CDKAL1: variants seen among roughly 807,000 people sequenced by gnomAD.
CDKAL1 encodes the protein CDKAL1 threonylcarbamoyladenosine tRNA methylthiotransferase, also known as threonylcarbamoyladenosine tRNA methylthiotransferase.
Under a neutral mutation model 68.2 loss-of-function variants are expected in CDKAL1, and 32 were observed. That is an observed-to-expected ratio of 0.47 (90% CI 0.35 to 0.63). CDKAL1 has a LOEUF of 0.63. CDKAL1 is among the 30% of genes least tolerant of loss of function. The pLI, the probability that CDKAL1 is intolerant of heterozygous loss-of-function variation, is 0.00. For missense variants in CDKAL1, 606 were observed against 696.7 expected, an observed-to-expected ratio of 0.87 and a Z score of 1.47; for synonymous variants, 234 against 244.3, an observed-to-expected ratio of 0.96 and a Z score of 0.39.
intron 12 of CDKAL1, among the ~76,000 whole-genome samples, chr6:21,072,094 T>C (rs1029024761): frequency 2.6e-5 from 4 of 152,214 alleles, no homozygotes; most frequent in Non-Finnish European, 5.9e-5. Context: ...CCAGCTGAAA[T>C]TCTATGGTGA....
chr6:20,822,453 G>A (rs537514863), intron 8 of CDKAL1, among the ~76,000 whole-genome samples: 1 of 152,094 alleles, frequency 6.6e-6, no homozygotes, highest in African/African-American at 2.4e-5. Flanking sequence ...CACAACATAA[G>A]TCCAGACCTC....
chr6:20,944,379 C>T (rs1386337755), intron 9 of CDKAL1, among the ~76,000 whole-genome samples: 1 of 151,684 alleles, frequency 6.6e-6, no homozygotes, highest in Non-Finnish European at 1.5e-5. Context: ...GACGGAGTCT[C>T]ACTCTGTCGC....
Position 21,102,484 on chromosome 6 carries a change from T to A in CDKAL1, c.1237-5917T>A, listed in dbSNP as rs571678290. On this transcript the variant is annotated intron_variant, in intron 12 of 15. Transcript: ENST00000274695. ...TTCCTATCCCTGACTTCAGTGTCCC[T>A]TATTGCATCTTAGTAAGCCCTTGTT... is the stretch of plus-strand genomic sequence containing the variant. 1.5e-3 allele frequency among the ~76,000 whole-genome samples: 226 copies of A among 152,332 alleles called. No individual in the cohort carries two copies. In the Middle Eastern group the frequency reaches 0.024, roughly 16 times the overall value.
intron 15 of CDKAL1, among the ~76,000 whole-genome samples, chr6:21,204,933 A>G (rs1778837076): frequency 3.3e-5 from 5 of 152,212 alleles, no homozygotes. Context: ...TACTCATTAA[A>G]CAATAACTCC....
At chr6:21,035,427 A>G (rs1342682793) in intron 11 of CDKAL1, among the ~76,000 whole-genome samples, 1 of 152,086 alleles carries the variant, frequency 6.6e-6, no homozygotes, top group Non-Finnish European at 1.5e-5. Context: ...TTTTGTTTCA[A>G]GTGTAGCTCA....
rs528211047 is a variant in CDKAL1 at position 20,790,822 on chromosome 6, C to G, written c.638+9557C>G. 2.6e-5 allele frequency among the ~76,000 whole-genome samples: 4 copies of G among 152,274 alleles called. No individual in the cohort carries two copies. The East Asian group carries it at 7.7e-4, about 29-fold the overall frequency. On this transcript the variant is annotated intron_variant, in intron 8 of 15. Coordinates refer to ENST00000274695, the MANE Select transcript of CDKAL1 (RefSeq NM_017774.3). ...GGGTGGTTTCTCTCTCTCTGTGTGT[C>G]TGGGTCTGGGGCTTTTTAGGGTCTC...
chr6:20,570,255 C>A (rs996303412), intron 4 of CDKAL1, among the ~76,000 whole-genome samples: 1 of 151,580 alleles, frequency 6.6e-6, no homozygotes, highest in Non-Finnish European at 1.5e-5. Flanking sequence ...AGGCGTATGA[C>A]ACCACGCCCA....
At chr6:21,036,236 A>C (rs1255959652) in intron 11 of CDKAL1, among the ~76,000 whole-genome samples, 1 of 152,150 alleles carries the variant, frequency 6.6e-6, no homozygotes, top group Non-Finnish European at 1.5e-5. Flanking sequence ...TTTTTCATGT[A>C]ACTTCAGGTT....
At chr6:20,797,895 C>T (rs1484818923) in intron 8 of CDKAL1, among the ~76,000 whole-genome samples, 3 of 151,580 alleles carry the variant, frequency 2.0e-5, no homozygotes, top group South Asian at 2.1e-4. Flanking sequence ...CGGTTCGCTG[C>T]GTTCTCTGTC....
At chr6:20,550,860 C>CTTTTTTTTT (rs70990044) in intron 4 of CDKAL1, among the ~76,000 whole-genome samples, 2 of 72,908 alleles carry the variant, frequency 2.7e-5, no homozygotes, top group Non-Finnish European at 4.7e-5. Context: ...GAGGTTGTGT[C>CTTTTTTTTT]TTTTTTTTTT....
intron 10 of CDKAL1, among the ~76,000 whole-genome samples, chr6:20,959,310 A>G (rs1764936709): frequency 6.6e-6 from 1 of 152,200 alleles, no homozygotes; most frequent in African/African-American, 2.4e-5. Context: ...TATATTGTGA[A>G]AAAAACACTC....
At chr6:21,117,288 GTTT>G (rs10554335) in intron 13 of CDKAL1, among the ~76,000 whole-genome samples, 2,152 of 143,306 alleles carry the variant, frequency 0.015, 41 homozygotes, top group African/African-American at 0.05. Context: ...CAGATAAATT[GTTT>G]TTTTTTTTTT....
rs571772291 is a variant in CDKAL1 at position 21,042,675 on chromosome 6, T to G, written c.1056-22373T>G. 6.6e-5 allele frequency among the ~76,000 whole-genome samples: 10 copies of G among 152,272 alleles called. No homozygotes were observed. In the South Asian group the frequency reaches 1.7e-3, roughly 25 times the overall value. ...ACTATCCTATTTGACGCCAGTACTA[T>G]CTTGTATTCTGTCATGTCTGTTTCA... On this transcript the variant is annotated intron_variant, in intron 11 of 15. Coordinates refer to ENST00000274695, the MANE Select transcript of CDKAL1 (RefSeq NM_017774.3).
intron 10 of CDKAL1, among the ~76,000 whole-genome samples, chr6:20,985,453 C>A (rs1766403282): frequency 6.6e-6 from 1 of 152,134 alleles, no homozygotes; most frequent in Non-Finnish European, 1.5e-5. Flanking sequence ...GCCACCACTC[C>A]CAGCTAATTT....
intron 5 of CDKAL1, among the ~76,000 whole-genome samples, chr6:20,728,823 A>G (rs1349008180): frequency 1.3e-5 from 2 of 152,116 alleles, no homozygotes; most frequent in Non-Finnish European, 2.9e-5. Context: ...CGTTGTGGAA[A>G]CATTTTTATT....
At chr6:20,943,341 AAAAG>A (rs1764079886) in intron 9 of CDKAL1, among the ~76,000 whole-genome samples, 1 of 72,034 alleles carries the variant, frequency 1.4e-5, no homozygotes, top group Non-Finnish European at 2.7e-5. Context: ...AAAAAAAAAA[AAAAG>A]AAAAAGAAAA....
At chr6:20,798,026 G>C (rs1776188020) in intron 8 of CDKAL1, among the ~76,000 whole-genome samples, 1 of 151,800 alleles carries the variant, frequency 6.6e-6, no homozygotes, top group Admixed American at 6.6e-5. Flanking sequence ...GTGTTGCCCA[G>C]GCTGGTCTTG....
At chr6:20,753,555 G>T (rs796078687) in intron 6 of CDKAL1, among the ~76,000 whole-genome samples, 19 of 152,288 alleles carry the variant, frequency 1.2e-4, no homozygotes, top group African/African-American at 4.3e-4. Context: ...TGTACCATCT[G>T]GGTTTGTGTA....
chr6:20,767,317 A>G (rs975097011), intron 7 of CDKAL1, among the ~76,000 whole-genome samples: 1 of 152,186 alleles, frequency 6.6e-6, no homozygotes. Flanking sequence ...TCTCAGCACA[A>G]TAGTAAATTG....
Sources: gnomAD v4.1 joint callset for allele counts (sites outside exome capture counted in the v4.1 genomes callset) on GRCh38, gnomAD v4.1.1 for gene constraint, MANE v1.5 for transcripts, NCBI Gene and HGNC (gene_info 2026-07-23, HGNC 2026-07-21) for gene names.